UGT1A7: variants seen among roughly 807,000 people sequenced by gnomAD.
The protein encoded by UGT1A7 is UDP glucuronosyltransferase family 1 member A7.
UGT1A7 carries 33 observed loss-of-function variants against 45.6 expected under a neutral mutation model. That is an observed-to-expected ratio of 0.72 (90% CI 0.55 to 0.97). UGT1A7 has a LOEUF of 0.97. Ranked by LOEUF, UGT1A7 falls within the 50% of genes least tolerant of loss-of-function variation. The probability of loss-of-function intolerance (pLI) is 0.00; values close to 1 mark genes in which losing one functional copy is unlikely to be tolerated. For synonymous variants in UGT1A7, 274 were observed against 250.6 expected, an observed-to-expected ratio of 1.09 and a Z score of -0.88; for missense variants, 684 against 666.2, an observed-to-expected ratio of 1.03 and a Z score of -0.29.
intron 1 of UGT1A7, among the ~76,000 whole-genome samples, chr2:233,734,119 A>AATC (rs958365418): frequency 7.2e-5 from 11 of 152,032 alleles, no homozygotes; most frequent in African/African-American, 2.7e-4. Flanking sequence ...TAATAATAAT[A>AATC]ATAAAAAGAA....
rs781679584 is a variant in UGT1A7 at position 233,729,361 on chromosome 2, A to T, written c.856-37673A>T. ...AGAAGAGAACTTTTTCACCCTGACA[A>T]CCTATGCCATTTCGTGGACCCAGGA... On this transcript the variant is annotated intron_variant, in intron 1 of 4. Transcript: ENST00000373426. 4 of 1,613,978 alleles carry T rather than the reference A, an allele frequency of 2.5e-6. No individual in the cohort carries two copies. The Admixed American group carries it at 5.0e-5, about 20-fold the overall frequency.
intron 1 of UGT1A7, among the ~76,000 whole-genome samples, chr2:233,765,655 G>A (rs1698901056): frequency 6.6e-6 from 1 of 151,526 alleles, no homozygotes; most frequent in African/African-American, 2.4e-5. Context: ...AATAGGTGCA[G>A]CAAACCACCA....
intron 1 of UGT1A7, among the ~76,000 whole-genome samples, chr2:233,707,931 A>G (rs1386071034): frequency 6.6e-6 from 1 of 152,216 alleles, no homozygotes; most frequent in Non-Finnish European, 1.5e-5. Context: ...AAATATACTT[A>G]TCAGTCATTT....
intron 1 of UGT1A7, among the ~76,000 whole-genome samples, chr2:233,708,286 T>A (rs2125610813): frequency 6.6e-6 from 1 of 152,362 alleles, no homozygotes; most frequent in South Asian, 2.1e-4. Flanking sequence ...TATCATCAAA[T>A]GCTTTCAGTT....
chr2:233,761,292 A>G, intron 1 of UGT1A7: 4 of 1,528,102 alleles, frequency 2.6e-6, no homozygotes, highest in Middle Eastern at 1.9e-4. Flanking sequence ...TTTGACTCCT[A>G]GGTTTGAGTC....
rs576537163 is a variant in UGT1A7 at position 233,710,782 on chromosome 2, G to A, written c.855+27990G>A. On this transcript the variant is annotated intron_variant, in intron 1 of 4. Transcript: ENST00000373426. Reference sequence around the variant, plus strand: ...TTTGATTAAGTCAATTTTAGCAAACGTTTTGTGTTTTGTACCCCTCGTGCC... The same window carrying A: ...TTTGATTAAGTCAATTTTAGCAAACATTTTGTGTTTTGTACCCCTCGTGCC... Among the ~76,000 whole-genome samples the A allele has an allele frequency of 3.3e-5, 5 of 152,292 alleles. No individual in the cohort carries two copies. In the South Asian group the frequency reaches 8.3e-4, roughly 25 times the overall value.
intron 1 of UGT1A7, chr2:233,747,822 C>T (rs1361602523): frequency 6.2e-7 from 1 of 1,613,368 alleles, no homozygotes; most frequent in Non-Finnish European, 8.5e-7. Context: ...CAATTCAGAC[C>T]ACATGACATT....
intron 1 of UGT1A7, chr2:233,717,916 T>A (rs1363488436): frequency 2.2e-6 from 1 of 454,812 alleles, no homozygotes. Flanking sequence ...AAGGCCTGGA[T>A]GAATGGATAC....
chr2:233,740,668 G>C (rs1267064015), intron 1 of UGT1A7: 1 of 151,782 alleles, frequency 6.6e-6, no homozygotes, highest in Non-Finnish European at 1.5e-5. Context: ...GAAGGTACAG[G>C]TGTTTCCATG....
At chr2:233,707,386 G>A (rs1362330538) in intron 1 of UGT1A7, among the ~76,000 whole-genome samples, 2 of 152,040 alleles carry the variant, frequency 1.3e-5, no homozygotes, top group Non-Finnish European at 2.9e-5. Flanking sequence ...GCATCCATGA[G>A]CTATTCTTTT....
At chr2:233,703,194 A>G (rs2125592149) in intron 1 of UGT1A7, among the ~76,000 whole-genome samples, 1 of 152,238 alleles carries the variant, frequency 6.6e-6, no homozygotes, top group South Asian at 2.1e-4. Context: ...CTTTCTAGGA[A>G]TTTGTCAATT....
intron 1 of UGT1A7, chr2:233,719,579 C>T (rs112157197): frequency 5.0e-5 from 80 of 1,613,916 alleles, no homozygotes; most frequent in South Asian, 2.2e-4. Flanking sequence ...GCTATGCATC[C>T]GTGTGGCTGT....
rs45437497 is a variant in UGT1A7, at chr2:233,682,211, G to A, written c.274G>A (p.Val92Ile). 52 of 1,614,224 alleles carry A rather than the reference G, an allele frequency of 3.2e-5. No homozygotes were observed. The African/African-American group carries it at 6.9e-4, about 22-fold the overall frequency. ...TLEDQDREFM[V>I]FADARWTAPL... Reference sequence around the variant, plus strand: ...GGAGGATCAGGACCGGGAGTTCATGGTTTTTGCCGATGCTCGCTGGACGGC... The same window carrying A: ...GGAGGATCAGGACCGGGAGTTCATGATTTTTGCCGATGCTCGCTGGACGGC... Residue 92 changes from valine to isoleucine, a missense_variant, in exon 1 of 5, where the codon GTT becomes ATT. Coordinates refer to ENST00000373426, the MANE Select transcript of UGT1A7 (RefSeq NM_019077.3).
intron 1 of UGT1A7, chr2:233,729,371 T>A (rs1158869339): frequency 1.2e-6 from 2 of 1,613,978 alleles, no homozygotes; most frequent in Non-Finnish European, 1.7e-6. Flanking sequence ...ACCTATGCCA[T>A]TTCGTGGACC....
chr2:233,729,695 C>A, intron 1 of UGT1A7: 1 of 1,613,928 alleles, frequency 6.2e-7, no homozygotes, highest in South Asian at 1.1e-5. Flanking sequence ...TGTCCAAACC[C>A]TTCCTCCTAT....
chr2:233,731,334 T>C (rs1331182525), intron 1 of UGT1A7, among the ~76,000 whole-genome samples: 1 of 151,782 alleles, frequency 6.6e-6, no homozygotes, highest in African/African-American at 2.4e-5. Context: ...TGTGCACAAA[T>C]TGCAGGTTTG....
intron 1 of UGT1A7, among the ~76,000 whole-genome samples, chr2:233,759,944 G>C (rs1242141869): frequency 6.6e-6 from 1 of 152,160 alleles, no homozygotes; most frequent in African/African-American, 2.4e-5. Context: ...AGCCTAACTT[G>C]TTCACTACAT....
chr2:233,701,601 A>T, intron 1 of UGT1A7, among the ~76,000 whole-genome samples: 1 of 152,142 alleles, frequency 6.6e-6, no homozygotes, highest in Non-Finnish European at 1.5e-5. Context: ...GAAGTAAAGC[A>T]CTCCTCAGCA....
At chr2:233,689,291 C>T (rs1219127255) in intron 1 of UGT1A7, among the ~76,000 whole-genome samples, 1 of 151,482 alleles carries the variant, frequency 6.6e-6, no homozygotes, top group Non-Finnish European at 1.5e-5. Flanking sequence ...CTGGGGTTCA[C>T]TCACCCAGCA....
Sources: gnomAD v4.1 joint callset for allele counts (sites outside exome capture counted in the v4.1 genomes callset) on GRCh38, gnomAD v4.1.1 for gene constraint, MANE v1.5 for transcripts, NCBI Gene and HGNC (gene_info 2026-07-23, HGNC 2026-07-21) for gene names.